ARHGEF7: variants seen among roughly 807,000 people sequenced by gnomAD.
The protein encoded by ARHGEF7 is Rho guanine nucleotide exchange factor 7.
ARHGEF7 carries 33 observed loss-of-function variants against 109.8 expected under a neutral mutation model. The observed-to-expected ratio is 0.30, with a 90% CI of 0.23 to 0.40. The LOEUF is 0.40. Among genes scored for constraint, ARHGEF7 ranks in the 10% least tolerant of loss-of-function variants. ARHGEF7 has a pLI of 1.00. For missense variants in ARHGEF7, 938 were observed against 1,098.5 expected (o/e 0.85, Z 2.07); for synonymous variants, 458 against 424.6 (o/e 1.08, Z -0.97).
At chr13:111,149,815 T>C (rs1489667226) in intron 1 of ARHGEF7, among the ~76,000 whole-genome samples, 1 of 152,224 alleles carries the variant, frequency 6.6e-6, no homozygotes, top group Non-Finnish European at 1.5e-5. Context: ...TGCTTTATAC[T>C]GTATAGCACA....
intron 13 of ARHGEF7, among the ~76,000 whole-genome samples, chr13:111,279,588 A>T (rs1222900733): frequency 6.6e-6 from 1 of 152,178 alleles, no homozygotes; most frequent in African/African-American, 2.4e-5. Flanking sequence ...GCCACCATGT[A>T]CTGTGGTTTC....
intron 2 of ARHGEF7, among the ~76,000 whole-genome samples, chr13:111,157,825 A>C (rs1217204540): frequency 6.6e-6 from 1 of 152,164 alleles, no homozygotes; most frequent in Non-Finnish European, 1.5e-5. Flanking sequence ...TTCACTGAAA[A>C]GGTCACAATG....
At chr13:111,161,792 T>C (rs1259966152) in intron 2 of ARHGEF7, among the ~76,000 whole-genome samples, 2 of 152,226 alleles carry the variant, frequency 1.3e-5, no homozygotes, top group Non-Finnish European at 2.9e-5. Flanking sequence ...AAAATATCCA[T>C]GACATCATAG....
intron 1 of ARHGEF7, among the ~76,000 whole-genome samples, chr13:111,137,520 T>C (rs571625223): frequency 9.2e-5 from 14 of 152,182 alleles, no homozygotes; most frequent in Non-Finnish European, 2.1e-4. Context: ...AGTACCTTCT[T>C]AGTTCAAGAC....
chr13:111,215,858 A>T (rs577372886), intron 4 of ARHGEF7, among the ~76,000 whole-genome samples: 12 of 151,944 alleles, frequency 7.9e-5, no homozygotes, highest in African/African-American at 2.4e-4. Flanking sequence ...GTCACCTGGG[A>T]CACTCCCCCT....
chr13:111,277,952 GTCGTT>G (rs2092581384), intron 13 of ARHGEF7, among the ~76,000 whole-genome samples: 1 of 152,190 alleles, frequency 6.6e-6, no homozygotes, highest in Non-Finnish European at 1.5e-5. Context: ...ATTGCCTTCT[GTCGTT>G]TCATGCAAAA....
intron 11 of ARHGEF7, 49 bp from the exon 12 acceptor site, chr13:111,275,483 A>G (rs1300800051): frequency 1.2e-6 from 2 of 1,602,574 alleles, no homozygotes; most frequent in Non-Finnish European, 1.7e-6. Context: ...CCGGAACTTA[A>G]CATTCTGAAA....
At chr13:111,150,981 T>C (rs1163000742) in intron 1 of ARHGEF7, among the ~76,000 whole-genome samples, 1 of 152,206 alleles carries the variant, frequency 6.6e-6, no homozygotes, top group Non-Finnish European at 1.5e-5. Context: ...ATACCAGCCA[T>C]GCTTTTCTGT....
rs1013270244 is a variant in ARHGEF7, at chr13:111,255,230, C to T, written c.950+10936C>T. Among the ~76,000 whole-genome samples, 1 of 151,926 alleles carries T rather than the reference C, an allele frequency of 6.6e-6. No individual in the cohort carries two copies. The highest frequency in any genetic ancestry group is 1.5e-5 in the Non-Finnish European group (1 of 68,014). The stretch of plus-strand genomic sequence containing the variant: ...AGGATTCGGGCTAAGGCGCTGAGTT[C>T]CGTTTGGGGTTGCTGTGCATTTCAG... On this transcript the variant is annotated intron_variant, in intron 8 of 21. Transcript: ENST00000646102. This position sits in a 1 kb window ranked among gnomAD's most constrained non-coding sequence, Gnocchi z 4.1.
chr13:111,132,839 T>C (rs2074833286), intron 1 of ARHGEF7, among the ~76,000 whole-genome samples: 1 of 152,004 alleles, frequency 6.6e-6, no homozygotes, highest in Non-Finnish European at 1.5e-5. Flanking sequence ...CTTTTTTTTT[T>C]AGAGGAAGGT....
At chr13:111,124,337 G>T (rs2067414984) in intron 1 of ARHGEF7, among the ~76,000 whole-genome samples, 1 of 152,222 alleles carries the variant, frequency 6.6e-6, no homozygotes, top group Non-Finnish European at 1.5e-5. Context: ...GGACATGCAG[G>T]TCTCGCCATG....
In ARHGEF7 at chr13:111,217,821, C is replaced by T; in HGVS notation, c.611C>T (p.Thr204Ile). 6.2e-7 allele frequency: 1 copy of T among 1,614,202 alleles called. No individual in the cohort carries two copies. Among genetic ancestry groups the T allele is most frequent in the Admixed American group, 1.7e-5 (1 of 60,024 alleles). The part of the protein sequence containing the change: ...RVEEGGWWEG[T>I]LNGRTGWFPS... ...GAAGAGGGAGGCTGGTGGGAGGGCA[C>T]ACTCAACGGCCGGACCGGCTGGTTC... The change falls in exon 5 of 22, where the codon ACA becomes ATA. Residue 204 changes from threonine (T) to isoleucine (I), a missense_variant. This residue lies in a region of ARHGEF7 where 585 missense variants were observed against 723.6 expected (regional missense o/e 0.81). Transcript: ENST00000646102.
At chr13:111,243,851 C>T in intron 6 of ARHGEF7, 21 bp from the exon 7 acceptor site, 1 of 1,475,044 alleles carries the variant, frequency 6.8e-7, no homozygotes, top group Non-Finnish European at 9.4e-7. Flanking sequence ...TCAAATAACA[C>T]TTATTCATCA....
intron 16 of ARHGEF7, among the ~76,000 whole-genome samples, chr13:111,285,643 C>T (rs915175907): frequency 9.9e-5 from 15 of 152,200 alleles, no homozygotes; most frequent in African/African-American, 3.4e-4. Context: ...GGTAGCTGAG[C>T]ACTCGCTCCC....
rs1380816397 is a variant in ARHGEF7 at position 111,145,471 on chromosome 13, C to T, written c.166-8434C>T. Among the ~76,000 whole-genome samples, 1 of 151,524 alleles carries T rather than the reference C, an allele frequency of 6.6e-6. No homozygotes were observed. Among genetic ancestry groups the T allele is most frequent in the African/African-American group, 2.4e-5 (1 of 41,330 alleles). Reference sequence around the variant, plus strand: ...GGAGGGTTTCTCCAGCCAGTGAGAGCTGTAGTTACAGGAGAGGCTGCCTGA... The same window carrying T: ...GGAGGGTTTCTCCAGCCAGTGAGAGTTGTAGTTACAGGAGAGGCTGCCTGA... On this transcript the variant is annotated intron_variant, in intron 1 of 21. Coordinates refer to ENST00000646102, the MANE Select transcript of ARHGEF7 (RefSeq NM_001354046.2). This position sits in a 1 kb window ranked among gnomAD's most constrained non-coding sequence, Gnocchi z 4.3.
intron 4 of ARHGEF7, among the ~76,000 whole-genome samples, chr13:111,216,755 G>A (rs2083198662): frequency 1.3e-5 from 2 of 152,158 alleles, no homozygotes; most frequent in South Asian, 2.1e-4. Flanking sequence ...TCTGCCAGGC[G>A]GCCCTTTTCT....
intron 2 of ARHGEF7, among the ~76,000 whole-genome samples, chr13:111,180,575 G>C (rs1316601283): frequency 6.6e-6 from 1 of 152,220 alleles, no homozygotes; most frequent in East Asian, 1.9e-4. Flanking sequence ...TTGTAAGGCA[G>C]AGATAGTGAT....
intron 4 of ARHGEF7, among the ~76,000 whole-genome samples, chr13:111,213,386 T>C (rs887228312): frequency 2.6e-5 from 4 of 152,170 alleles, no homozygotes; most frequent in Non-Finnish European, 5.9e-5. Context: ...AACCAGTTCA[T>C]GTATTGTGTG....
intron 5 of ARHGEF7, 81 bp downstream of exon 5, chr13:111,217,961 T>A: frequency 1.5e-6 from 2 of 1,367,282 alleles, no homozygotes; most frequent in Non-Finnish European, 9.9e-7. Flanking sequence ...GTGTTTACTC[T>A]CCAGCTGGAC....
Sources: allele counts gnomAD v4.1 joint callset (sites outside exome capture counted in the v4.1 genomes callset), GRCh38; gene constraint gnomAD v4.1.1; regional missense constraint gnomAD v4.1.1; non-coding constraint Gnocchi (gnomAD v3.1); transcripts MANE v1.5; gene names NCBI Gene and HGNC (gene_info 2026-07-23, HGNC 2026-07-21).